Variants in CCDC69 observed in about 807,000 individuals in gnomAD.
CCDC69 encodes coiled-coil domain-containing protein 69.
A neutral mutation model predicts 40.3 loss-of-function variants in CCDC69; 38 were observed. The observed-to-expected ratio is 0.94, with a 90% CI of 0.73 to 1.24. CCDC69 has a LOEUF of 1.24. Among genes scored for constraint, CCDC69 ranks in the 50% most tolerant of loss-of-function variants. The pLI is 0.00. For synonymous variants in CCDC69, 141 were observed against 138.9 expected, an observed-to-expected ratio of 1.02 and a Z score of -0.11; for missense variants, 389 against 357.9, an observed-to-expected ratio of 1.09 and a Z score of -0.70.
intron 4 of CCDC69, among the ~76,000 whole-genome samples, chr5:151,188,296 G>C (rs1486799357): frequency 1.3e-5 from 2 of 152,264 alleles, no homozygotes; most frequent in Non-Finnish European, 2.9e-5. Context: ...CCAGGTATCT[G>C]GCAGTGATGA....
rs138884124 is a variant in CCDC69 at position 151,185,431 on chromosome 5, C to T, written c.606G>A (p.Met202Ile). ...ACTCCCAGTCACAGACCACTGTTTC[C>T]ATGAGGATCAGCCGCCTGTCCAGCT... Reference protein sequence around the residue: ...IHELDRRLILMETVKEKNLIL... With the variant: ...IHELDRRLILIETVKEKNLIL... Residue 202 changes from methionine (M) to isoleucine (I), a missense_variant, in exon 7 of 9, where the codon ATG becomes ATA. Met to Ile is a conservative substitution (Grantham distance 10). Transcript: ENST00000355417. The T allele has an allele frequency of 1.2e-6, 2 of 1,613,844 alleles. No individual in the cohort carries two copies. The highest frequency in any genetic ancestry group is 8.5e-7 in the Non-Finnish European group (1 of 1,179,886).
In CCDC69 at chr5:151,196,894, C is replaced by T. The variant is rs556180508; in HGVS notation, c.319+2103G>A. On this transcript the variant is annotated intron_variant, in intron 4 of 8. Transcript: ENST00000355417. Reference sequence around the variant, plus strand: ...GTGTACACCCAGGGGGAACTGAAAACAGCTGTTCAAGTAGGTGCCTGTACT... The same window carrying T: ...GTGTACACCCAGGGGGAACTGAAAATAGCTGTTCAAGTAGGTGCCTGTACT... 1.6e-4 allele frequency among the ~76,000 whole-genome samples: 25 copies of T among 152,334 alleles called. No individual in the cohort carries two copies. In the South Asian group the frequency reaches 5.0e-3, roughly 30 times the overall value.
intron 4 of CCDC69, among the ~76,000 whole-genome samples, chr5:151,195,757 ACACACACACC>A (rs371502535): frequency 2.1e-4 from 31 of 144,686 alleles, no homozygotes; most frequent in Middle Eastern, 3.7e-3. Context: ...ACTCACACCC[ACACACACACC>A]CACACACACC....
At chr5:151,201,247 T>C (rs540843665) in intron 3 of CCDC69, among the ~76,000 whole-genome samples, 77 of 152,298 alleles carry the variant, frequency 5.1e-4, no homozygotes, top group African/African-American at 1.8e-3. Context: ...CTTCTTTCTA[T>C]AACGCATCAG....
intron 1 of CCDC69, among the ~76,000 whole-genome samples, chr5:151,209,843 G>T (rs1752905157): frequency 6.6e-6 from 1 of 152,152 alleles, no homozygotes; most frequent in East Asian, 1.9e-4. Context: ...GCCTTCCAAA[G>T]TACTGGGATT....
At chr5:151,207,989 G>A (rs1026193245) in intron 1 of CCDC69, among the ~76,000 whole-genome samples, 2 of 152,152 alleles carry the variant, frequency 1.3e-5, no homozygotes, top group Non-Finnish European at 1.5e-5. Flanking sequence ...AGTGGCTCAT[G>A]CCTATAATCT....
intron 1 of CCDC69, among the ~76,000 whole-genome samples, chr5:151,205,885 T>A (rs1191445252): frequency 2.0e-5 from 3 of 152,140 alleles, no homozygotes; most frequent in African/African-American, 7.2e-5. Flanking sequence ...CGGAGATGAT[T>A]TTTGCTTGGA....
chr5:151,221,977 G>T (rs979243150), intron 1 of CCDC69, among the ~76,000 whole-genome samples: 1 of 152,386 alleles, frequency 6.6e-6, no homozygotes, highest in African/African-American at 2.4e-5. Flanking sequence ...TTGCCATATA[G>T]GGGCAGGGGC....
At chr5:151,200,765 AT>A (rs1752764688) in intron 3 of CCDC69, among the ~76,000 whole-genome samples, 1 of 152,204 alleles carries the variant, frequency 6.6e-6, no homozygotes, top group South Asian at 2.1e-4. Context: ...TAGGCTGGAA[AT>A]TCTGTAGAAT....
chr5:151,205,332 T>C, intron 2 of CCDC69, 68 bp downstream of exon 2: 4 of 1,190,470 alleles, frequency 3.4e-6, no homozygotes. Context: ...AGCTGTATCA[T>C]CTGTGTTGAT....
chr5:151,186,203 G>C, intron 5 of CCDC69, 79 bp from the exon 6 acceptor site: 2 of 997,342 alleles, frequency 2.0e-6, no homozygotes, highest in South Asian at 1.3e-5. Context: ...ATCCCAGAGG[G>C]AGAACGGTTT....
At chr5:151,187,201 T>C in intron 5 of CCDC69, among the ~76,000 whole-genome samples, 185 bp downstream of exon 5, 1 of 152,188 alleles carries the variant, frequency 6.6e-6, no homozygotes, top group Admixed American at 6.5e-5. Context: ...AATTTCACAC[T>C]CAGTCCTCTT....
chr5:151,198,965 C>T (rs753450574), intron 4 of CCDC69, 32 bp downstream of exon 4: 2 of 1,567,680 alleles, frequency 1.3e-6, no homozygotes, highest in East Asian at 4.5e-5. Flanking sequence ...CACCCCCCAC[C>T]ACCTTGGCCA....
At chr5:151,186,692 C>A (rs1752524401) in intron 5 of CCDC69, among the ~76,000 whole-genome samples, 1 of 152,176 alleles carries the variant, frequency 6.6e-6, no homozygotes, top group Non-Finnish European at 1.5e-5. Flanking sequence ...AGTCCCCCAG[C>A]TGCAGGGTAC....
chr5:151,209,187 C>G (rs1291296916), intron 1 of CCDC69, among the ~76,000 whole-genome samples: 1 of 152,204 alleles, frequency 6.6e-6, no homozygotes, highest in Non-Finnish European at 1.5e-5. Context: ...TCATGAGGCT[C>G]TTTTAGGATG....
chr5:151,221,342 T>C (rs1220950102), intron 1 of CCDC69, among the ~76,000 whole-genome samples: 1 of 152,242 alleles, frequency 6.6e-6, no homozygotes, highest in Non-Finnish European at 1.5e-5. Context: ...GTGCTTTCAG[T>C]GGCTCAGCCT....
intron 7 of CCDC69, 200 bp downstream of exon 7, chr5:151,185,222 G>A: frequency 3.7e-6 from 2 of 538,094 alleles, no homozygotes; most frequent in South Asian, 3.8e-5. Flanking sequence ...AAAGGCACAG[G>A]ACTCAGATGA....
At chr5:151,203,423 T>C (rs1752803729) in intron 2 of CCDC69, among the ~76,000 whole-genome samples, 2 of 151,166 alleles carry the variant, frequency 1.3e-5, no homozygotes, top group African/African-American at 2.4e-5. Flanking sequence ...AGCAGGAGAA[T>C]TGCTTGAACC....
intron 1 of CCDC69, among the ~76,000 whole-genome samples, chr5:151,218,563 C>G (rs942820655): frequency 6.6e-6 from 1 of 152,184 alleles, no homozygotes; most frequent in South Asian, 2.1e-4. Context: ...CCCCTTAGAG[C>G]TCCTTTTCCA....
Sources: gnomAD v4.1 joint callset for allele counts (sites outside exome capture counted in the v4.1 genomes callset) on GRCh38, gnomAD v4.1.1 for gene constraint, MANE v1.5 for transcripts, NCBI Gene and HGNC (gene_info 2026-07-23, HGNC 2026-07-21) for gene names.